Variants in GALK2 observed in about 807,000 individuals in gnomAD.
GALK2 encodes the protein N-acetylgalactosamine kinase.
Under a neutral mutation model 52.4 loss-of-function variants are expected in GALK2, and 36 were observed. That is an observed-to-expected ratio of 0.69 (90% CI 0.53 to 0.91). GALK2 has a LOEUF of 0.91. Among genes scored for constraint, GALK2 ranks in the 40% least tolerant of loss-of-function variants. GALK2 has a pLI of 0.00. For missense variants in GALK2, 579 were observed against 559.1 expected (o/e 1.04, Z -0.36); for synonymous variants, 176 against 199.1 (o/e 0.88, Z 0.98).
At chr15:49,351,344 G>T (rs1596393573) in intron 3 of GALK2, among the ~76,000 whole-genome samples, 1 of 152,156 alleles carries the variant, frequency 6.6e-6, no homozygotes, top group East Asian at 1.9e-4. Flanking sequence ...TTTCCTGGAA[G>T]ATACGGAAAG....
chr15:49,331,742 A>C lies in GALK2; in HGVS notation c.*3583A>C, dbSNP rs1481785924. 8.0e-7 allele frequency: 1 copy of C among 1,247,508 alleles called. No homozygotes were observed. Among genetic ancestry groups the C allele is most frequent in the Non-Finnish European group, 1.2e-6 (1 of 846,436 alleles). The allele number at this position is 1,247,508 out of a possible 1,614,324, so 77.3% of individuals were successfully genotyped here. A position where few individuals can be genotyped will look rare whatever the true frequency, so the allele number is the denominator to read the frequency against. On this transcript the variant is annotated 3_prime_UTR_variant, in exon 10 of 10. Transcript: ENST00000560031. ...GTCCAGTCTATATAAAAGAAGCTAGAGAGAGAATTCTCAATTATTTTCAGA... is the reference window on the plus strand; with the variant it reads ...GTCCAGTCTATATAAAAGAAGCTAGCGAGAGAATTCTCAATTATTTTCAGA...
intron 8 of GALK2, among the ~76,000 whole-genome samples, chr15:49,312,957 C>T (rs1349653520): frequency 1.3e-5 from 2 of 152,178 alleles, no homozygotes; most frequent in Non-Finnish European, 2.9e-5. Flanking sequence ...GATATTTGCC[C>T]ACTCTTCTGC....
chr15:49,366,245 T>G (rs117132237), intron 3 of GALK2: 16 of 785,710 alleles, frequency 2.0e-5, no homozygotes, highest in African/African-American at 8.4e-5. Context: ...CTGCTTCATA[T>G]CTATAAAGTC....
intron 3 of GALK2, among the ~76,000 whole-genome samples, chr15:49,338,766 T>C (rs2040208851): frequency 6.6e-6 from 1 of 152,216 alleles, no homozygotes; most frequent in South Asian, 2.1e-4. Context: ...GGTACACCAA[T>C]CAATTGTAGA....
intron 3 of GALK2, among the ~76,000 whole-genome samples, chr15:49,364,594 AC>A (rs1438116706): frequency 1.3e-5 from 2 of 152,206 alleles, no homozygotes; most frequent in African/African-American, 4.8e-5. Flanking sequence ...TTTTAAAAAA[AC>A]ATACTACAAA....
At position 49,328,439 on chromosome 15, in the gene GALK2, A is replaced by G; in HGVS notation, c.*280A>G. 2 of 1,454,566 alleles carry G rather than the reference A, an allele frequency of 1.4e-6. No homozygotes were observed. Among genetic ancestry groups the G allele is most frequent in the Non-Finnish European group, 9.1e-7 (1 of 1,104,474 alleles). 90.1% of individuals were successfully genotyped at this position (1,454,566 alleles called of 1,614,324 possible). A position where few individuals can be genotyped will look rare whatever the true frequency, so the allele number is the denominator to read the frequency against. On this transcript the variant is annotated 3_prime_UTR_variant, in exon 10 of 10. Coordinates refer to ENST00000560031, the MANE Select transcript of GALK2 (RefSeq NM_002044.4). ...ATTTATTGATTTGAAGATTTTAAAG[A>G]TGAATGGTAAAACACACTCTTAATA...
intron 2 of GALK2, among the ~76,000 whole-genome samples, chr15:49,210,975 A>ACT (rs2088833221): frequency 1.7e-5 from 1 of 59,232 alleles, no homozygotes; most frequent in African/African-American, 5.4e-5. Context: ...ACACACACTC[A>ACT]CACACACACA....
intron 8 of GALK2, among the ~76,000 whole-genome samples, chr15:49,292,902 T>TA (rs2034084789): frequency 6.6e-6 from 1 of 152,194 alleles, no homozygotes; most frequent in Admixed American, 6.5e-5. Flanking sequence ...CGGAACACTA[T>TA]AAAGTGTTCA....
At chr15:49,193,384 A>T (rs1351275931) in intron 1 of GALK2, among the ~76,000 whole-genome samples, 1 of 149,320 alleles carries the variant, frequency 6.7e-6, no homozygotes, top group Admixed American at 6.7e-5. Context: ...AATGTAAGGG[A>T]TATTATCTCT....
Position 49,218,415 on chromosome 15 carries a change from T to C in GALK2, c.266+1102T>C, listed in dbSNP as rs150449845. Among the ~76,000 whole-genome samples the C allele has an allele frequency of 2.8e-4, 42 of 152,332 alleles. No homozygotes were observed. The East Asian group carries it at 7.7e-3, about 28-fold the overall frequency. ...ATTTACTTAATCATTCCCACAATAATGAATATGTGGTTTCAGTTTCGTTTT... is the reference window on the plus strand; with the variant it reads ...ATTTACTTAATCATTCCCACAATAACGAATATGTGGTTTCAGTTTCGTTTT... On this transcript the variant is annotated intron_variant, in intron 3 of 9. Transcript: ENST00000560031.
chr15:49,294,803 T>C (rs1041595471), intron 8 of GALK2, among the ~76,000 whole-genome samples: 2 of 152,140 alleles, frequency 1.3e-5, no homozygotes, highest in Non-Finnish European at 2.9e-5. Flanking sequence ...TCAGGTCCTG[T>C]AGATGGTGGT....
intron 1 of GALK2, among the ~76,000 whole-genome samples, chr15:49,183,861 A>G (rs1313649699): frequency 6.6e-6 from 1 of 152,098 alleles, no homozygotes; most frequent in Non-Finnish European, 1.5e-5. Flanking sequence ...AAAAAAAAAA[A>G]AAGGACTAGT....
intron 5 of GALK2, among the ~76,000 whole-genome samples, chr15:49,278,141 G>T (rs547474541): frequency 3.9e-5 from 6 of 151,994 alleles, no homozygotes; most frequent in Non-Finnish European, 8.8e-5. Context: ...GGCGCCTGTA[G>T]TCCCAGCTAC....
At chr15:49,332,364 G>A (rs1248624830), downstream of GALK2, among the ~76,000 whole-genome samples, 1 of 152,188 alleles carries the variant, frequency 6.6e-6, no homozygotes, top group African/African-American at 2.4e-5. Context: ...AAGAAAGAGA[G>A]GGAGATGGAA....
intron 1 of GALK2, among the ~76,000 whole-genome samples, chr15:49,183,454 T>A (rs1336395272): frequency 6.6e-6 from 1 of 152,360 alleles, no homozygotes; most frequent in Admixed American, 6.5e-5. Flanking sequence ...TTAATTGTGT[T>A]TGTATAGTTT....
chr15:49,271,899 C>A (rs2141693998), intron 5 of GALK2, among the ~76,000 whole-genome samples: 1 of 152,346 alleles, frequency 6.6e-6, no homozygotes, highest in South Asian at 2.1e-4. Flanking sequence ...TCAGGCCATC[C>A]AGCAACGTAC....
Position 49,265,420 on chromosome 15 carries a change from C to T in GALK2, c.505-16567C>T, listed in dbSNP as rs183396805. On this transcript the variant is annotated intron_variant, in intron 5 of 9. Transcript: ENST00000560031. ...CTGGTGTGCCGTTTTTTAAGCCCGT[C>T]GGAAAAGCGCAGTGTTGGGTTGGGA... 1.3e-4 allele frequency among the ~76,000 whole-genome samples: 20 copies of T among 152,316 alleles called. No individual in the cohort carries two copies. The East Asian group carries it at 2.3e-3, about 18-fold the overall frequency.
At chr15:49,201,102 A>T in intron 1 of GALK2, 60 bp from the exon 2 acceptor site, 1 of 771,632 alleles carries the variant, frequency 1.3e-6, no homozygotes. Flanking sequence ...ATGTGTGTGT[A>T]TGTTATGTTA....
intron 5 of GALK2, among the ~76,000 whole-genome samples, chr15:49,249,315 A>G (rs1004583177): frequency 6.6e-6 from 1 of 152,236 alleles, no homozygotes; most frequent in Non-Finnish European, 1.5e-5. Context: ...TAGAGTAAGG[A>G]AGACAATGAA....
Sources: allele counts gnomAD v4.1 joint callset (sites outside exome capture counted in the v4.1 genomes callset), GRCh38; gene constraint gnomAD v4.1.1; transcripts MANE v1.5; gene names NCBI Gene and HGNC (gene_info 2026-07-23, HGNC 2026-07-21).